The following GRHL3 variants were observed in gnomAD, a reference collection of about 807,000 sequenced individuals.
GRHL3 encodes grainyhead-like protein 3 homolog.
A neutral mutation model predicts 70.3 loss-of-function variants in GRHL3; 20 were observed. The ratio of observed to expected loss-of-function variants is 0.28; its 90% CI spans 0.20 to 0.41. The LOEUF (loss-of-function observed/expected upper bound fraction) is 0.41, where lower values mean the gene tolerates loss of function less well. Ranked by LOEUF, GRHL3 falls within the 10% of genes least tolerant of loss-of-function variation. The pLI, the probability that GRHL3 is intolerant of heterozygous loss-of-function variation, is 1.00. For missense variants in GRHL3, 637 were observed against 762.3 expected (o/e 0.84, Z 1.94); for synonymous variants, 299 against 299.9 (o/e 1.00, Z 0.03).
intron 15 of GRHL3, among the ~76,000 whole-genome samples, chr1:24,352,787 G>A (rs1037066669): frequency 3.9e-5 from 6 of 152,250 alleles, no homozygotes; most frequent in African/African-American, 4.8e-5. Flanking sequence ...CGTGCCCAAA[G>A]AGCCCTCTGT....
Position 24,342,976 on chromosome 1 carries a change from T to C in GRHL3, c.1370T>C (p.Val457Ala), listed in dbSNP as rs1333969565. 1.9e-6 allele frequency: 3 copies of C among 1,613,856 alleles called. No individual in the cohort carries two copies. The highest frequency in any genetic ancestry group is 2.5e-6 in the Non-Finnish European group (3 of 1,180,012). ...RPETDLETPP[V>A]LFIPNVHFSS... ...GAGACTGACCTGGAGACGCCACCCG[T>C]GCTGTTCATCCCCAATGTGCACTTC... The change falls in exon 11 of 16, where the codon GTG becomes GCG. Residue 457 changes from valine to alanine, a missense_variant. Transcript: ENST00000361548. The surrounding 1 kb of genome is among the most constrained non-coding windows in gnomAD (Gnocchi z 4.8).
In GRHL3 at chr1:24,322,114, G is replaced by T. The variant is rs1639213667; in HGVS notation, c.17+2546G>T. On this transcript the variant is annotated intron_variant, in intron 1 of 15. Transcript: ENST00000361548. This position sits in a 1 kb window ranked among gnomAD's most constrained non-coding sequence, Gnocchi z 4.4. ...TCTGGAGGGCCGGCCGGCGCTCCAG[G>T]CAGGCCCCGTTGACAGCCCAGGAAG... Among the ~76,000 whole-genome samples the T allele has an allele frequency of 6.6e-6, 1 of 152,088 alleles. No individual in the cohort carries two copies. Among genetic ancestry groups the T allele is most frequent in the Non-Finnish European group, 1.5e-5 (1 of 67,988 alleles).
intron 15 of GRHL3, among the ~76,000 whole-genome samples, chr1:24,361,262 G>C (rs892110867): frequency 2.4e-4 from 36 of 152,218 alleles, no homozygotes; most frequent in Non-Finnish European, 5.9e-5. Flanking sequence ...TTTGAGGTCA[G>C]GGTTGTCAGG....
At chr1:24,344,146 C>G (rs1227810895) in intron 11 of GRHL3, among the ~76,000 whole-genome samples, 1 of 152,156 alleles carries the variant, frequency 6.6e-6, no homozygotes, top group Non-Finnish European at 1.5e-5. Context: ...CACCTGTGAG[C>G]CTGGGAGAGG....
rs137964149 is a variant in GRHL3 at position 24,346,629 on chromosome 1, G to A, written c.1531G>A (p.Asp511Asn). ...GCCCTCCAAGCAGGCCAAGGAAGGC[G>A]ACCTTCAGAGAGGTGACCTCCCGCC... is the stretch of plus-strand genomic sequence containing the variant. Reference protein sequence around the residue: ...PLPSKQAKEGDLQRVLLYVRR... With the variant: ...PLPSKQAKEGNLQRVLLYVRR... The change falls in exon 13 of 16, where the codon GAC becomes AAC. Residue 511 changes from aspartate (D) to asparagine (N), a missense_variant. Transcript: ENST00000361548. 7.1e-4 allele frequency: 1,145 copies of A among 1,611,852 alleles called. 1 individual carries two copies. Among genetic ancestry groups the A allele is most frequent in the Non-Finnish European group, 9.1e-4 (1,075 of 1,178,610 alleles).
At chr1:24,347,136 C>G (rs1238139315) in intron 13 of GRHL3, among the ~76,000 whole-genome samples, 3 of 152,194 alleles carry the variant, frequency 2.0e-5, no homozygotes, top group Non-Finnish European at 4.4e-5. Flanking sequence ...CCTCGTGTTT[C>G]CAGACACTGC....
intron 15 of GRHL3, among the ~76,000 whole-genome samples, chr1:24,363,188 A>G (rs1641234244): frequency 6.6e-6 from 1 of 152,248 alleles, no homozygotes; most frequent in African/African-American, 2.4e-5. Flanking sequence ...CAGCCTGCAG[A>G]AGGCTGGAGC....
In GRHL3 at chr1:24,321,407, G is replaced by A. The variant is rs1055952368; in HGVS notation, c.17+1839G>A. On this transcript the variant is annotated intron_variant, in intron 1 of 15. Coordinates refer to ENST00000361548, the MANE Select transcript of GRHL3 (RefSeq NM_198173.3). This position sits in a 1 kb window ranked among gnomAD's most constrained non-coding sequence, Gnocchi z 4.0. ...CCCTACTGGTAAGGGGAGGGCACCCGGCGCTTGGCTTGCAAGTTCTGAGCT... is the reference window on the plus strand; with the variant it reads ...CCCTACTGGTAAGGGGAGGGCACCCAGCGCTTGGCTTGCAAGTTCTGAGCT... 2.6e-5 allele frequency among the ~76,000 whole-genome samples: 4 copies of A among 152,220 alleles called. No individual in the cohort carries two copies. The highest frequency in any genetic ancestry group is 7.2e-5 in the African/African-American group (3 of 41,464).
In GRHL3 at chr1:24,352,021, G is replaced by A. The variant is rs566228310; in HGVS notation, c.1694+1899G>A. ...CTTGTTCCTCTAATCACTACGCAATGTGCAAATAAAGGATGCAGCCAGGCT... is the reference window on the plus strand; with the variant it reads ...CTTGTTCCTCTAATCACTACGCAATATGCAAATAAAGGATGCAGCCAGGCT... On this transcript the variant is annotated intron_variant, in intron 15 of 15. Transcript: ENST00000361548. Among the ~76,000 whole-genome samples the A allele has an allele frequency of 8.5e-5, 13 of 152,186 alleles. No homozygotes were observed. The South Asian group carries it at 2.7e-3, about 32-fold the overall frequency.
intron 15 of GRHL3, among the ~76,000 whole-genome samples, chr1:24,361,464 C>T (rs1641110954): frequency 6.6e-6 from 1 of 152,060 alleles, no homozygotes; most frequent in South Asian, 2.1e-4. Flanking sequence ...CATATGGACT[C>T]AATGGGAAGA....
chr1:24,340,823 A>T (rs1640008389), intron 8 of GRHL3, among the ~76,000 whole-genome samples: 1 of 151,972 alleles, frequency 6.6e-6, no homozygotes, highest in African/African-American at 2.4e-5. Flanking sequence ...CTGGAGGAGG[A>T]GCTGGGGCCT....
In GRHL3 at chr1:24,319,702, G is replaced by A. The variant is rs1639107231; in HGVS notation, c.17+134G>A. On this transcript the variant is annotated intron_variant, in intron 1 of 15. Coordinates refer to ENST00000361548, the MANE Select transcript of GRHL3 (RefSeq NM_198173.3). ...TGTAAGGGTAAATGAATGGGCTGAC[G>A]ATCTTACTTTGGCGTGTCAAGGCAA... The A allele has an allele frequency of 3.1e-6, 5 of 1,591,780 alleles. No homozygotes were observed. In the Admixed American group the frequency reaches 8.5e-5, roughly 27 times the overall value.
At position 24,330,896 on chromosome 1, in the gene GRHL3, C is replaced by T. The variant is rs187489928; in HGVS notation, c.18-530C>T. The stretch of plus-strand genomic sequence containing the variant: ...ATAAAATTGGCCTGAAATGCCATTT[C>T]CCAGACCAGGTTCTGCCTAAGGGCT... On this transcript the variant is annotated intron_variant, in intron 1 of 15. Transcript: ENST00000361548. Among the ~76,000 whole-genome samples, 180 of 152,338 alleles carry T rather than the reference C, an allele frequency of 1.2e-3. 1 individual carries two copies. The highest frequency in any genetic ancestry group is 4.2e-3 in the African/African-American group (174 of 41,574).
rs1312371087 is a variant in GRHL3 at position 24,322,747 on chromosome 1, G to A, written c.17+3179G>A. On this transcript the variant is annotated intron_variant, in intron 1 of 15. Coordinates refer to ENST00000361548, the MANE Select transcript of GRHL3 (RefSeq NM_198173.3). This position sits in a 1 kb window ranked among gnomAD's most constrained non-coding sequence, Gnocchi z 4.4. The stretch of plus-strand genomic sequence containing the variant: ...GAAAACGGGGCTGAAACCCAGATGG[G>A]ATCATCCAGCTTTCTCTTACGTTAG... Among the ~76,000 whole-genome samples the A allele has an allele frequency of 6.6e-6, 1 of 152,230 alleles. No individual in the cohort carries two copies. The highest frequency in any genetic ancestry group is 1.5e-5 in the Non-Finnish European group (1 of 68,030).
intron 7 of GRHL3, among the ~76,000 whole-genome samples, chr1:24,338,605 C>T (rs1403269466): frequency 1.3e-5 from 2 of 152,250 alleles, no homozygotes; most frequent in Admixed American, 1.3e-4. Flanking sequence ...TATGTCACCT[C>T]ACCTTCCTGA....
intron 1 of GRHL3, among the ~76,000 whole-genome samples, chr1:24,323,677 G>A (rs1038994198): frequency 6.6e-6 from 1 of 152,188 alleles, no homozygotes; most frequent in Non-Finnish European, 1.5e-5. Flanking sequence ...CTGACTCTAT[G>A]AAATAATTGA....
intron 12 of GRHL3, among the ~76,000 whole-genome samples, chr1:24,346,001 C>T (rs995681134): frequency 2.0e-5 from 3 of 152,130 alleles, no homozygotes; most frequent in Non-Finnish European, 4.4e-5. Context: ...AGGGTTATTG[C>T]CTTGCTTTAT....
chr1:24,359,202 G>A (rs1044535333), downstream of GRHL3, among the ~76,000 whole-genome samples: 21 of 152,208 alleles, frequency 1.4e-4, no homozygotes, highest in South Asian at 2.1e-4. This position sits in a 1 kb window ranked among gnomAD's most constrained non-coding sequence, Gnocchi z 5.3. Flanking sequence ...ATGCCGGCAC[G>A]TGCACGTGCC....
Position 24,354,545 on chromosome 1 carries a change from C to A in GRHL3, c.*57C>A. ...GCAAGGGGCCAGCAGGGACGTGGCCCCACGCCACACACAACCTCTCCACAT... is the reference window on the plus strand; with the variant it reads ...GCAAGGGGCCAGCAGGGACGTGGCCACACGCCACACACAACCTCTCCACAT... On this transcript the variant is annotated 3_prime_UTR_variant, in exon 16 of 16. Coordinates refer to ENST00000361548, the MANE Select transcript of GRHL3 (RefSeq NM_198173.3). 9.3e-7 allele frequency: 1 copy of A among 1,069,640 alleles called. No homozygotes were observed. Among genetic ancestry groups the A allele is most frequent in the East Asian group, 2.4e-5 (1 of 41,838 alleles). 66.3% of individuals were successfully genotyped at this position (1,069,640 alleles called of 1,614,324 possible).
Sources: gnomAD v4.1 joint callset for allele counts (sites outside exome capture counted in the v4.1 genomes callset) on GRCh38, gnomAD v4.1.1 for gene constraint, Gnocchi (gnomAD v3.1) non-coding constraint, MANE v1.5 for transcripts, NCBI Gene and HGNC (gene_info 2026-07-23, HGNC 2026-07-21) for gene names.